Variants in KIAA0319L observed in about 807,000 individuals in gnomAD.
KIAA0319L encodes KIAA0319 like.
KIAA0319L carries 55 observed loss-of-function variants against 120.1 expected under a neutral mutation model. That is an observed-to-expected ratio of 0.46 (90% CI 0.37 to 0.57). The LOEUF (loss-of-function observed/expected upper bound fraction) is 0.57. Among genes scored for constraint, KIAA0319L ranks in the 20% least tolerant of loss-of-function variants. The pLI, the probability that KIAA0319L is intolerant of heterozygous loss-of-function variation, is 0.00. For missense variants in KIAA0319L, 1,049 were observed against 1,255.3 expected, an observed-to-expected ratio of 0.84 and a Z score of 2.48; for synonymous variants, 398 against 471.9, an observed-to-expected ratio of 0.84 and a Z score of 2.03.
intron 18 of KIAA0319L, 145 bp from the exon 19 acceptor site, chr1:35,442,481 G>C (rs1460053417): frequency 1.9e-5 from 13 of 684,272 alleles, no homozygotes; most frequent in Non-Finnish European, 2.9e-5. Context: ...TTGGAGTTAA[G>C]GGCAGCTGAA....
chr1:35,464,953 T>C (rs1643152373), intron 7 of KIAA0319L, among the ~76,000 whole-genome samples: 1 of 152,170 alleles, frequency 6.6e-6, no homozygotes, highest in Non-Finnish European at 1.5e-5. Context: ...AAGTCAAAAA[T>C]TGAGGTTTGG....
In KIAA0319L at chr1:35,453,494, A is replaced by G; in HGVS notation, c.1913+63T>C. On this transcript the variant is annotated intron_variant, in intron 12 of 20. Coordinates refer to ENST00000325722, the MANE Select transcript of KIAA0319L (RefSeq NM_024874.5). The surrounding 1 kb of genome is among the most constrained non-coding windows in gnomAD (Gnocchi z 4.1). ...AGCAACTCAACTCATAATAGCAAAT[A>G]AAACCTTGCTCTTCCAAGGTCTGGA... 6.5e-7 allele frequency: 1 copy of G among 1,526,930 alleles called. No individual in the cohort carries two copies. Among genetic ancestry groups the G allele is most frequent in the Non-Finnish European group, 9.0e-7 (1 of 1,108,934 alleles). 94.6% of individuals were successfully genotyped at this position (1,526,930 alleles called of 1,614,324 possible).
chr1:35,435,790 C>T (rs1257967959), intron 20 of KIAA0319L, among the ~76,000 whole-genome samples: 2 of 152,212 alleles, frequency 1.3e-5, no homozygotes, highest in Non-Finnish European at 2.9e-5. Context: ...CACTACTTAT[C>T]CCTATAGATG....
intron 2 of KIAA0319L, among the ~76,000 whole-genome samples, chr1:35,514,454 G>A (rs1033841960): frequency 6.6e-6 from 1 of 151,520 alleles, no homozygotes; most frequent in Non-Finnish European, 1.5e-5. Context: ...AAGACCCAAT[G>A]GCATTCTGTC....
chr1:35,515,041 G>A (rs1244435542), intron 2 of KIAA0319L, among the ~76,000 whole-genome samples: 3 of 152,082 alleles, frequency 2.0e-5, no homozygotes, highest in Non-Finnish European at 2.9e-5. Context: ...GGCCGGGTGC[G>A]GTGGCTCACA....
At chr1:35,516,248 G>A (rs924223660) in intron 2 of KIAA0319L, among the ~76,000 whole-genome samples, 3 of 151,988 alleles carry the variant, frequency 2.0e-5, no homozygotes, top group Non-Finnish European at 4.4e-5. Context: ...ACACAACTAA[G>A]AAAGAAAACT....
chr1:35,514,186 T>C (rs1034743456), intron 2 of KIAA0319L, among the ~76,000 whole-genome samples: 2 of 152,052 alleles, frequency 1.3e-5, no homozygotes, highest in African/African-American at 4.8e-5. Context: ...GGTGGCAAGA[T>C]GGAAAATTGT....
In KIAA0319L at chr1:35,456,255, G is replaced by A; in HGVS notation, c.1428-14C>T. 2 of 1,501,434 alleles carry A rather than the reference G, an allele frequency of 1.3e-6. No homozygotes were observed. The highest frequency in any genetic ancestry group is 1.8e-6 in the Non-Finnish European group (2 of 1,104,944). The allele number at this position is 1,501,434 out of a possible 1,614,324, so 93.0% of individuals were successfully genotyped here. ...ACTACAGTCAAGCTATCAGGGCAGA[G>A]AGAGGAGTGTGATCAGGGACGGGTT... On this transcript the variant is annotated splice_polypyrimidine_tract_variant and intron_variant, in intron 9 of 20. Coordinates refer to ENST00000325722, the MANE Select transcript of KIAA0319L (RefSeq NM_024874.5).
intron 3 of KIAA0319L, among the ~76,000 whole-genome samples, chr1:35,496,046 G>A (rs1241939616): frequency 2.0e-5 from 3 of 152,178 alleles, no homozygotes; most frequent in Non-Finnish European, 4.4e-5. Context: ...CTGGAAATTT[G>A]ATACATTAAT....
chr1:35,442,675 T>C (rs949895835), intron 18 of KIAA0319L, among the ~76,000 whole-genome samples: 4 of 152,214 alleles, frequency 2.6e-5, no homozygotes, highest in Admixed American at 2.6e-4. Context: ...AGGCTGTAAC[T>C]GGCATTGGAT....
intron 3 of KIAA0319L, among the ~76,000 whole-genome samples, chr1:35,501,056 C>T (rs1371208537): frequency 6.6e-6 from 1 of 152,054 alleles, no homozygotes; most frequent in Admixed American, 6.6e-5. Flanking sequence ...GTTCATAGTT[C>T]AAATTCAATA....
chr1:35,463,688 C>A (rs1231423216), intron 7 of KIAA0319L, among the ~76,000 whole-genome samples: 2 of 152,162 alleles, frequency 1.3e-5, no homozygotes, highest in African/African-American at 4.8e-5. Context: ...AAATCTATTA[C>A]CAAGAAAGAA....
intron 16 of KIAA0319L, among the ~76,000 whole-genome samples, chr1:35,447,311 A>G (rs1641699161): frequency 1.3e-5 from 2 of 151,388 alleles, no homozygotes; most frequent in Non-Finnish European, 2.9e-5. Flanking sequence ...TCACACACAT[A>G]AAACAAACCA....
rs1644712164 is a variant in KIAA0319L at position 35,494,277 on chromosome 1, T to C, written c.666+12335A>G. ...GCCTGGCCAACATAATGAAACCCCATCTCTACTAAAAAATACAAAAAATTA... is the reference window on the plus strand; with the variant it reads ...GCCTGGCCAACATAATGAAACCCCACCTCTACTAAAAAATACAAAAAATTA... On this transcript the variant is annotated intron_variant, in intron 3 of 20. Transcript: ENST00000325722. Among the ~76,000 whole-genome samples, 3 of 151,490 alleles carry C rather than the reference T, an allele frequency of 2.0e-5. No individual in the cohort carries two copies. In the South Asian group the frequency reaches 6.3e-4, roughly 32 times the overall value.
intron 9 of KIAA0319L, among the ~76,000 whole-genome samples, chr1:35,457,394 C>T (rs754942305): frequency 2.7e-5 from 4 of 150,668 alleles, no homozygotes; most frequent in Admixed American, 6.6e-5. Context: ...GCCTGCGGGA[C>T]GAACCAGGAG....
At chr1:35,553,226 T>C (rs1402109733) in intron 2 of KIAA0319L, among the ~76,000 whole-genome samples, 1 of 151,948 alleles carries the variant, frequency 6.6e-6, no homozygotes. Context: ...ACCCCATCTC[T>C]TTTTTTTAAA....
chr1:35,519,135 A>T (rs1256709339), intron 2 of KIAA0319L, among the ~76,000 whole-genome samples: 1 of 152,170 alleles, frequency 6.6e-6, no homozygotes, highest in East Asian at 1.9e-4. Context: ...ATCTTGATTT[A>T]ACAGATAGAG....
In KIAA0319L at chr1:35,525,914, C is replaced by T. The variant is rs144804991; in HGVS notation, c.143-18779G>A. 2.5e-3 allele frequency among the ~76,000 whole-genome samples: 373 copies of T among 152,164 alleles called. 2 individuals are homozygous for T. The highest frequency in any genetic ancestry group is 8.0e-3 in the African/African-American group (331 of 41,520). On this transcript the variant is annotated intron_variant, in intron 2 of 20. Coordinates refer to ENST00000325722, the MANE Select transcript of KIAA0319L (RefSeq NM_024874.5). ...TTAGCCATAAAATCTTTGCCTAGAC[C>T]AATATGCTAGAGTGTTTCCCCTATG... is the stretch of plus-strand genomic sequence containing the variant.
In KIAA0319L at chr1:35,453,679, C is replaced by T. The variant is rs1216222766; in HGVS notation, c.1791G>A (p.Lys597=). 1 of 1,612,888 alleles carries T rather than the reference C, an allele frequency of 6.2e-7. No individual in the cohort carries two copies. Among genetic ancestry groups the T allele is most frequent in the Non-Finnish European group, 8.5e-7 (1 of 1,179,400 alleles). The change falls in exon 12 of 21, where the codon AAG becomes AAA. Residue 597 remains lysine (K), a synonymous_variant. Coordinates refer to ENST00000325722, the MANE Select transcript of KIAA0319L (RefSeq NM_024874.5). This position sits in a 1 kb window ranked among gnomAD's most constrained non-coding sequence, Gnocchi z 4.1. ...CTGGGCCTGCATCTGCCTGAGGAGG[C>T]TTATTGTTTTCTGGAAGACAAAGAG... The part of the protein sequence containing the change: ...VTVIVQPENN[K]PPQADAGPDK...
Sources: allele counts gnomAD v4.1 joint callset (sites outside exome capture counted in the v4.1 genomes callset), GRCh38; gene constraint gnomAD v4.1.1; non-coding constraint Gnocchi (gnomAD v3.1); transcripts MANE v1.5; gene names NCBI Gene and HGNC (gene_info 2026-07-23, HGNC 2026-07-21).